TENM2: variants seen among roughly 807,000 people sequenced by gnomAD.
TENM2 encodes the protein teneurin transmembrane protein 2.
A neutral mutation model predicts 245.2 loss-of-function variants in TENM2; 52 were observed. The observed-to-expected ratio is 0.21, with a 90% CI of 0.17 to 0.27. The LOEUF (loss-of-function observed/expected upper bound fraction) is 0.27. Ranked by LOEUF, TENM2 falls within the 10% of genes least tolerant of loss-of-function variation. The probability of loss-of-function intolerance (pLI) is 1.00; values close to 1 mark genes in which losing one functional copy is unlikely to be tolerated. For missense variants in TENM2, 3,046 were observed against 3,666.8 expected (o/e 0.83, Z 4.37); for synonymous variants, 1,363 against 1,438.9 (o/e 0.95, Z 1.19).
At chr5:168,216,318 G>A (rs1488864678) in intron 21 of TENM2, among the ~76,000 whole-genome samples, 2 of 152,196 alleles carry the variant, frequency 1.3e-5, no homozygotes, top group African/African-American at 2.4e-5. Flanking sequence ...CCTTGAATTA[G>A]GAGTTTGTAA....
At chr5:167,266,761 C>A in the TENM2 span, among the ~76,000 whole-genome samples, 1 of 152,168 alleles carries the variant, frequency 6.6e-6, no homozygotes, top group Non-Finnish European at 1.5e-5. Context: ...GCAATTGCAA[C>A]ATTTCATTCA....
At chr5:167,785,245 T>C (rs921983363) in intron 2 of TENM2, among the ~76,000 whole-genome samples, 1 of 152,238 alleles carries the variant, frequency 6.6e-6, no homozygotes, top group Non-Finnish European at 1.5e-5. Flanking sequence ...TGATTTAATG[T>C]GGTCACTGTA....
rs371751029 is a variant in TENM2, at chr5:167,755,147, C to G, written c.503-120839C>G. The stretch of plus-strand genomic sequence containing the variant: ...ATGGAGACCCGGCAGTACCTCACCT[C>G]AGTCTGTGAGTTTTCTCCATGGGAA... On this transcript the variant is annotated intron_variant, in intron 2 of 28. Coordinates refer to ENST00000518659, the Ensembl canonical transcript of TENM2. 4 of 1,599,020 alleles carry G rather than the reference C, an allele frequency of 2.5e-6. No homozygotes were observed. The African/African-American group carries it at 5.3e-5, about 21-fold the overall frequency.
At position 168,004,315 on chromosome 5, in the gene TENM2, AG is replaced by A. The variant is rs1784634438; in HGVS notation, c.1186+11134del. 1.3e-5 allele frequency among the ~76,000 whole-genome samples: 2 copies of A among 152,202 alleles called. 1 individual carries two copies. The highest frequency in any genetic ancestry group is 4.1e-4 in the South Asian group (2 of 4,822). ...ATATTTTAGATTACCCTGCAATGTTAGTTCCCAATCAAATTCTGTGGATTTA... is the reference window on the plus strand; with the variant it reads ...ATATTTTAGATTACCCTGCAATGTTATTCCCAATCAAATTCTGTGGATTTA... On this transcript the variant is annotated intron_variant, in intron 5 of 28. Transcript: ENST00000518659.
At chr5:167,312,427 G>C (rs533265091) in intron 1 of TENM2, among the ~76,000 whole-genome samples, 2 of 152,200 alleles carry the variant, frequency 1.3e-5, no homozygotes, top group African/African-American at 4.8e-5. Context: ...CATGTCAGAA[G>C]GAGCTCTTGC....
intron 7 of TENM2, among the ~76,000 whole-genome samples, chr5:168,086,353 A>G (rs1336079292): frequency 1.3e-5 from 2 of 152,148 alleles, no homozygotes; most frequent in Non-Finnish European, 2.9e-5. Flanking sequence ...GCTATGGTTT[A>G]TTTCTTTGCC....
chr5:167,749,817 G>A (rs994134520), intron 2 of TENM2, among the ~76,000 whole-genome samples: 1 of 152,072 alleles, frequency 6.6e-6, no homozygotes, highest in East Asian at 1.9e-4. Context: ...TTAAATGAGT[G>A]TCTTTGCTTT....
chr5:167,280,756 GTCTATCTATCTATCTATCTATCTA>G (rs70976408), upstream of TENM2, among the ~76,000 whole-genome samples: 4 of 145,878 alleles, frequency 2.7e-5, no homozygotes, highest in African/African-American at 1.0e-4. Flanking sequence ...CTATCTGTCT[GTCTATCTATCTATCTATCTATCTA>G]TCTATCTATC....
At chr5:167,319,222 T>C (rs1756568163) in intron 1 of TENM2, among the ~76,000 whole-genome samples, 1 of 152,206 alleles carries the variant, frequency 6.6e-6, no homozygotes, top group Admixed American at 6.5e-5. Flanking sequence ...AAGTATATTG[T>C]AGTTAAGGGT....
rs979093185 is a variant in TENM2, at chr5:168,074,057, G to A, written c.1515+11792G>A. ...CTCTGCCTTTGTTTGGCCCAGCCTC[G>A]TTACTGTTTCTGTTGGGAATCCCAT... On this transcript the variant is annotated intron_variant, in intron 7 of 28. Coordinates refer to ENST00000518659, the Ensembl canonical transcript of TENM2. Among the ~76,000 whole-genome samples the A allele has an allele frequency of 3.3e-5, 5 of 152,160 alleles. No homozygotes were observed. In the East Asian group the frequency reaches 5.8e-4, roughly 18 times the overall value.
At chr5:168,215,220 C>T (rs1451001759) in exon 21 of TENM2, 2 of 1,613,700 alleles carry the variant, frequency 1.2e-6, no homozygotes, top group East Asian at 2.2e-5. Flanking sequence ...TTGATGAAGC[C>T]CGCTGCGGGG....
intron 2 of TENM2, among the ~76,000 whole-genome samples, chr5:167,463,967 G>A (rs1766487326): frequency 6.6e-6 from 1 of 152,182 alleles, no homozygotes. Context: ...AGGTGCATGA[G>A]AGCTCTGAGT....
chr5:168,249,729 T>C lies in TENM2; in HGVS notation c.7432+1358T>C, dbSNP rs552844573. Among the ~76,000 whole-genome samples, 4 of 152,140 alleles carry C rather than the reference T, an allele frequency of 2.6e-5. No individual in the cohort carries two copies. The South Asian group carries it at 8.3e-4, about 32-fold the overall frequency. On this transcript the variant is annotated intron_variant, in intron 27 of 28. Transcript: ENST00000518659. The stretch of plus-strand genomic sequence containing the variant: ...AATGAATTAGCTGCGTGTGGTGGCA[T>C]ATGCCTGTGGTCCAAACTACCCAGG...
chr5:168,119,150 C>A (rs1225473771), intron 10 of TENM2, among the ~76,000 whole-genome samples: 3 of 152,144 alleles, frequency 2.0e-5, no homozygotes, highest in Non-Finnish European at 4.4e-5. Context: ...CTTACAATTG[C>A]ACAAAACTAG....
At position 167,445,311 on chromosome 5, in the gene TENM2, T is replaced by TTATATATATATA. The variant is rs755614167; in HGVS notation, c.502+69853_502+69864dup. 4.9e-3 allele frequency among the ~76,000 whole-genome samples: 342 copies of TTATATATATATA among 69,874 alleles called. 4 individuals carry two copies. Among genetic ancestry groups the TTATATATATATA allele is most frequent in the Non-Finnish European group, 6.0e-3 (260 of 43,154 alleles). 45.8% of individuals were successfully genotyped at this position (69,874 alleles called of 152,430 possible). ...GTCAGGCTTATTATAAACCATATGA[T>TTATATATATATA]TATATATATATATATATATATATAT... On this transcript the variant is annotated intron_variant, in intron 2 of 28. Transcript: ENST00000518659.
intron 2 of TENM2, among the ~76,000 whole-genome samples, chr5:167,487,013 G>T (rs906251385): frequency 6.6e-6 from 1 of 152,132 alleles, no homozygotes; most frequent in African/African-American, 2.4e-5. Flanking sequence ...ATTGTTTGTT[G>T]TCCTATCTCA....
rs148988477 is a variant in TENM2, at chr5:167,439,089, G to A, written c.502+63616G>A. Among the ~76,000 whole-genome samples, 42 of 152,212 alleles carry A rather than the reference G, an allele frequency of 2.8e-4. No individual in the cohort carries two copies. In the East Asian group the frequency reaches 7.4e-3, roughly 27 times the overall value. ...GATTACAGGCATGAGCCGCCGCACCGGGCCGCCAAGTTTTTACACATATGC... is the reference window on the plus strand; with the variant it reads ...GATTACAGGCATGAGCCGCCGCACCAGGCCGCCAAGTTTTTACACATATGC... On this transcript the variant is annotated intron_variant, in intron 2 of 28. Transcript: ENST00000518659.
chr5:167,358,830 CA>C (rs1252951869), intron 1 of TENM2, among the ~76,000 whole-genome samples: 10 of 151,178 alleles, frequency 6.6e-5, no homozygotes, highest in Non-Finnish European at 1.0e-4. Flanking sequence ...CACACACACA[CA>C]CACACACACA....
At chr5:167,481,390 AT>A (rs1189849891) in intron 2 of TENM2, among the ~76,000 whole-genome samples, 1 of 152,206 alleles carries the variant, frequency 6.6e-6, no homozygotes, top group Non-Finnish European at 1.5e-5. Flanking sequence ...CTGGAATAAT[AT>A]TTTGTAATAT....
Sources: gnomAD v4.1 joint callset for allele counts (sites outside exome capture counted in the v4.1 genomes callset) on GRCh38, gnomAD v4.1.1 for gene constraint, MANE v1.5 for transcripts, NCBI Gene and HGNC (gene_info 2026-07-23, HGNC 2026-07-21) for gene names.